FAF1: variants seen among roughly 807,000 people sequenced by gnomAD.
The protein encoded by FAF1 is Fas associated factor 1.
FAF1 carries 25 observed loss-of-function variants against 92.5 expected under a neutral mutation model. That is an observed-to-expected ratio of 0.27 (90% CI 0.20 to 0.38). The LOEUF (loss-of-function observed/expected upper bound fraction) is 0.38, where lower values mean the gene tolerates loss of function less well. FAF1 is among the 10% of genes least tolerant of loss of function. The pLI, the probability that FAF1 is intolerant of heterozygous loss-of-function variation, is 1.00. For missense variants in FAF1, 636 were observed against 793.3 expected (o/e 0.80, Z 2.38); for synonymous variants, 234 against 273.2 (o/e 0.86, Z 1.42).
chr1:50,598,223 G>C (rs1414299924), intron 8 of FAF1, among the ~76,000 whole-genome samples: 1 of 152,082 alleles, frequency 6.6e-6, no homozygotes, highest in African/African-American at 2.4e-5. Context: ...TTGAGCCCAG[G>C]TGGTTAAGGC....
intron 9 of FAF1, among the ~76,000 whole-genome samples, chr1:50,589,782 GT>G (rs1214744352): frequency 1.3e-5 from 2 of 152,030 alleles, no homozygotes; most frequent in Non-Finnish European, 2.9e-5. Flanking sequence ...TTTGCCCTAT[GT>G]TTTCTTTTAA....
chr1:50,940,651 T>C (rs1645125310), intron 1 of FAF1, among the ~76,000 whole-genome samples: 4 of 152,264 alleles, frequency 2.6e-5, no homozygotes. Context: ...AGCAAATTAC[T>C]TTGCATTGAT....
chr1:50,924,279 T>C (rs202099538), intron 1 of FAF1, among the ~76,000 whole-genome samples: 2 of 4,112 alleles, frequency 4.9e-4, no homozygotes, highest in Non-Finnish European at 8.9e-4. Context: ...AAAGGAACAA[T>C]TTGAAAAAAA....
At chr1:50,686,461 G>A (rs186981482) in intron 7 of FAF1, among the ~76,000 whole-genome samples, 1 of 152,102 alleles carries the variant, frequency 6.6e-6, no homozygotes, top group Non-Finnish European at 1.5e-5. Context: ...AGAATCACTT[G>A]AACCTGGGAG....
At chr1:50,772,175 AAAATAAATAAAT>A (rs768672621) in intron 4 of FAF1, among the ~76,000 whole-genome samples, 1 of 152,142 alleles carries the variant, frequency 6.6e-6, no homozygotes, top group Non-Finnish European at 1.5e-5. Context: ...AATATTCTGA[AAAATAAATAAAT>A]AAATAAATAA....
At chr1:50,717,987 CTTTATTTATTTATTTATTTA>C (rs67168626) in intron 6 of FAF1, among the ~76,000 whole-genome samples, 28 of 138,988 alleles carry the variant, frequency 2.0e-4, no homozygotes, top group South Asian at 1.7e-3. Context: ...AAATACAATC[CTTTATTTATTTATTTATTTA>C]TTTATTTATT....
intron 8 of FAF1, among the ~76,000 whole-genome samples, chr1:50,616,726 G>C (rs1426748186): frequency 6.6e-6 from 1 of 151,180 alleles, no homozygotes; most frequent in Non-Finnish European, 1.5e-5. Flanking sequence ...TGTTGCCCAG[G>C]TTAAAGTACA....
chr1:50,630,826 A>ATTTTTTTTTTTTTTTTTTTTTTTTTTTTT (rs1471050080), intron 8 of FAF1, among the ~76,000 whole-genome samples: 1 of 125,336 alleles, frequency 8.0e-6, no homozygotes, highest in African/African-American at 3.2e-5. Flanking sequence ...AGTGTATCAT[A>ATTTTTTTTTTTTTTTTTTTTTTTTTTTTT]TCTTTTTTTT....
chr1:50,575,464 A>C (rs1396578901), intron 12 of FAF1, among the ~76,000 whole-genome samples: 1 of 152,208 alleles, frequency 6.6e-6, no homozygotes, highest in African/African-American at 2.4e-5. Context: ...TTTTTTTAAA[A>C]ATCACATTTA....
At chr1:50,707,903 T>C (rs1657752613) in intron 6 of FAF1, among the ~76,000 whole-genome samples, 1 of 152,232 alleles carries the variant, frequency 6.6e-6, no homozygotes. Context: ...TATTCATTTA[T>C]GTATCAACAT....
intron 8 of FAF1, among the ~76,000 whole-genome samples, chr1:50,624,286 T>C (rs1005763093): frequency 2.0e-5 from 3 of 152,106 alleles, no homozygotes; most frequent in African/African-American, 4.8e-5. Context: ...TAGCTGGGAT[T>C]ATGGGTGCCA....
In FAF1 at chr1:50,438,001, C is replaced by T. The variant is rs1285785149; in HGVS notation, c.*3439G>A. 4.2e-5 allele frequency: 5 copies of T among 119,796 alleles called. No homozygotes were observed. Among genetic ancestry groups the T allele is most frequent in the East Asian group, 4.6e-4 (2 of 4,302 alleles). 7.4% of individuals were successfully genotyped at this position (119,796 alleles called of 1,614,324 possible). A position where few individuals can be genotyped will look rare whatever the true frequency, so the allele number is the denominator to read the frequency against. On this transcript the variant is annotated 3_prime_UTR_variant, in exon 19 of 19. Coordinates refer to ENST00000396153, the MANE Select transcript of FAF1 (RefSeq NM_007051.3). The stretch of plus-strand genomic sequence containing the variant: ...TCGTGCCACTGCACTCTAGCCTGAG[C>T]GACAGAGCGAGACTCTGTCTCAAAA...
At chr1:50,788,356 C>T in intron 3 of FAF1, 151 bp from the exon 4 acceptor site, 2 of 650,818 alleles carry the variant, frequency 3.1e-6, no homozygotes, top group East Asian at 2.7e-5. Flanking sequence ...TCTACTTCCT[C>T]CATAAAATCT....
chr1:50,750,033 A>T (rs1659792028), intron 4 of FAF1, among the ~76,000 whole-genome samples: 1 of 152,192 alleles, frequency 6.6e-6, no homozygotes, highest in Non-Finnish European at 1.5e-5. Context: ...TGGGCAGTAT[A>T]GGTTCTCAAA....
intron 4 of FAF1, among the ~76,000 whole-genome samples, chr1:50,787,196 G>A (rs942793119): frequency 6.6e-6 from 1 of 152,084 alleles, no homozygotes; most frequent in African/African-American, 2.4e-5. Flanking sequence ...ACCTCCTTTT[G>A]AAAAACAGCA....
At chr1:50,693,751 C>T (rs1657044173) in intron 7 of FAF1, among the ~76,000 whole-genome samples, 1 of 152,012 alleles carries the variant, frequency 6.6e-6, no homozygotes, top group Non-Finnish European at 1.5e-5. Flanking sequence ...TTACATTTCA[C>T]AGCAACATAT....
Position 50,880,600 on chromosome 1 carries a change from T to G in FAF1, c.46-22603A>C, listed in dbSNP as rs190587650. On this transcript the variant is annotated intron_variant, in intron 1 of 18. Coordinates refer to ENST00000396153, the MANE Select transcript of FAF1 (RefSeq NM_007051.3). ...AGGACACAGTGAGAAGGCAGCCATC[T>G]GCAAGCCAGGAGGAGCCTTCGCTAG... Among the ~76,000 whole-genome samples, 33 of 152,362 alleles carry G rather than the reference T, an allele frequency of 2.2e-4. No homozygotes were observed. In the East Asian group the frequency reaches 2.5e-3, roughly 12 times the overall value.
At chr1:50,947,318 T>C (rs950205314) in intron 1 of FAF1, among the ~76,000 whole-genome samples, 6 of 152,154 alleles carry the variant, frequency 3.9e-5, no homozygotes, top group African/African-American at 1.4e-4. Context: ...AAAAACTAGG[T>C]GACTCAAACC....
chr1:50,573,859 G>A (rs1286412513), intron 12 of FAF1, among the ~76,000 whole-genome samples: 1 of 152,014 alleles, frequency 6.6e-6, no homozygotes, highest in Non-Finnish European at 1.5e-5. Flanking sequence ...TAGGTGCAGT[G>A]GTTCACGCCT....
Sources: gnomAD v4.1 joint callset for allele counts (sites outside exome capture counted in the v4.1 genomes callset) on GRCh38, gnomAD v4.1.1 for gene constraint, MANE v1.5 for transcripts, NCBI Gene and HGNC (gene_info 2026-07-23, HGNC 2026-07-21) for gene names.